Variants in QTMAN observed in about 807,000 individuals in gnomAD.
The protein encoded by QTMAN is queuosine-tRNA mannosyltransferase, also known as tRNA-queuosine alpha-mannosyltransferase.
the QTMAN span, among the ~76,000 whole-genome samples, chr2:144,184,013 G>A: frequency 4.4e-4 from 67 of 152,310 alleles, no homozygotes; most frequent in East Asian, 1.4e-3. Context: ...CGCACGGCTC[G>A]TGGGCTGACC....
At chr2:144,168,780 A>AT in the QTMAN span, among the ~76,000 whole-genome samples, 1 of 152,096 alleles carries the variant, frequency 6.6e-6, no homozygotes, top group Non-Finnish European at 1.5e-5. Context: ...ATAAAATGTT[A>AT]AATTATTTTT....
At chr2:144,091,236 G>C in the QTMAN span, among the ~76,000 whole-genome samples, 67 of 152,088 alleles carry the variant, frequency 4.4e-4, no homozygotes, top group Admixed American at 4.3e-3. Flanking sequence ...AAATCTAAAT[G>C]TAAAACCTAA....
At chr2:143,963,974 C>G in the QTMAN span, 1 of 152,104 alleles carries the variant, frequency 6.6e-6, no homozygotes, top group Non-Finnish European at 1.5e-5. Context: ...ACTTCAAATG[C>G]ATGCTACTAA....
chr2:143,983,481 T>C, the QTMAN span, among the ~76,000 whole-genome samples: 1 of 146,238 alleles, frequency 6.8e-6, no homozygotes, highest in Non-Finnish European at 1.5e-5. Flanking sequence ...TTTTTTTTTT[T>C]TTTTTTTTTG....
the QTMAN span, chr2:144,011,669 T>G: frequency 2.0e-6 from 2 of 975,760 alleles, no homozygotes; most frequent in Middle Eastern, 5.3e-4. Context: ...AAATAATACC[T>G]TACTGATGGG....
chr2:144,068,316 T>C, the QTMAN span, among the ~76,000 whole-genome samples: 1 of 152,140 alleles, frequency 6.6e-6, no homozygotes, highest in African/African-American at 2.4e-5. Context: ...AAATATTAAA[T>C]GAAACTTGAA....
the QTMAN span, among the ~76,000 whole-genome samples, chr2:144,025,112 C>A: frequency 1.3e-5 from 2 of 152,152 alleles, no homozygotes; most frequent in East Asian, 3.8e-4. Flanking sequence ...CACACCTCTG[C>A]AGGACTTGCT....
At chr2:144,299,160 TA>T in the QTMAN span, among the ~76,000 whole-genome samples, 1 of 152,226 alleles carries the variant, frequency 6.6e-6, no homozygotes, top group Non-Finnish European at 1.5e-5. Flanking sequence ...AGATAAAGTT[TA>T]GTTGAAACTT....
chr2:144,095,114 T>C, the QTMAN span, among the ~76,000 whole-genome samples: 1 of 152,194 alleles, frequency 6.6e-6, no homozygotes, highest in Admixed American at 6.5e-5. Flanking sequence ...CTTGTCATTC[T>C]CCCCTATCCT....
At chr2:144,128,122 T>C in the QTMAN span, 1 of 152,020 alleles carries the variant, frequency 6.6e-6, no homozygotes, top group Non-Finnish European at 1.5e-5. Context: ...TCATAAAAGA[T>C]AAATAATTTA....
chr2:143,996,679 G>T, the QTMAN span, among the ~76,000 whole-genome samples: 2 of 152,184 alleles, frequency 1.3e-5, no homozygotes, highest in East Asian at 3.9e-4. Context: ...AAGTTTGAGG[G>T]TAAGTGGCAA....
At chr2:143,966,766 G>GT in the QTMAN span, among the ~76,000 whole-genome samples, 3 of 152,346 alleles carry the variant, frequency 2.0e-5, no homozygotes, top group East Asian at 5.8e-4. Flanking sequence ...CAAAAACTTT[G>GT]TAACAACATA....
At chr2:144,139,079 A>C in the QTMAN span, among the ~76,000 whole-genome samples, 1 of 152,136 alleles carries the variant, frequency 6.6e-6, no homozygotes, top group East Asian at 1.9e-4. Flanking sequence ...TAAGCTGGAC[A>C]AAGAAAGAGA....
the QTMAN span, among the ~76,000 whole-genome samples, chr2:144,043,575 G>A: frequency 6.6e-6 from 1 of 151,782 alleles, no homozygotes; most frequent in East Asian, 1.9e-4. Context: ...AGAGGTTGGA[G>A]TGAGCTGAGA....
chr2:144,097,901 A>G, the QTMAN span, among the ~76,000 whole-genome samples: 8,657 of 152,230 alleles, frequency 0.057, 823 homozygotes, highest in African/African-American at 0.19. Flanking sequence ...ACTGAAGCTT[A>G]TATTTCAAGA....
chr2:144,064,692 G>A, the QTMAN span, among the ~76,000 whole-genome samples: 1 of 152,214 alleles, frequency 6.6e-6, no homozygotes, highest in Non-Finnish European at 1.5e-5. Flanking sequence ...AAAATGCCAT[G>A]TATGTTGTTT....
At chr2:144,203,150 A>AGTGTGT in the QTMAN span, among the ~76,000 whole-genome samples, 4,575 of 145,592 alleles carry the variant, frequency 0.031, 83 homozygotes, top group Non-Finnish European at 0.042. Context: ...TACAATGAAG[A>AGTGTGT]GTGTGTGTGT....
chr2:144,023,100 A>G, the QTMAN span, among the ~76,000 whole-genome samples: 2 of 152,170 alleles, frequency 1.3e-5, no homozygotes, highest in Non-Finnish European at 2.9e-5. Context: ...GGAAGTTGTT[A>G]GAGCCAGTTT....
chr2:144,311,612 C>A, the QTMAN span, among the ~76,000 whole-genome samples: 5 of 152,146 alleles, frequency 3.3e-5, no homozygotes, highest in Non-Finnish European at 7.4e-5. Context: ...TTCTCAGTCA[C>A]CCATTTCCAT....
Sources: gnomAD v4.1 joint callset for allele counts (sites outside exome capture counted in the v4.1 genomes callset) on GRCh38, gnomAD v4.1.1 for gene constraint, MANE v1.5 for transcripts, NCBI Gene and HGNC (gene_info 2026-07-23, HGNC 2026-07-21) for gene names.